The following TASP1 variants were observed in gnomAD, a reference collection of about 807,000 sequenced individuals.
The protein encoded by TASP1 is threonine aspartase 1.
TASP1 carries 16 observed loss-of-function variants against 56.6 expected under a neutral mutation model. The ratio of observed to expected loss-of-function variants is 0.28; its 90% confidence interval spans 0.19 to 0.43. The LOEUF (loss-of-function observed/expected upper bound fraction) is 0.43. Among genes scored for constraint, TASP1 ranks in the 20% least tolerant of loss-of-function variants. The pLI is 1.00. For synonymous variants in TASP1, 179 were observed against 184.2 expected, an observed-to-expected ratio of 0.97 and a Z score of 0.23; for missense variants, 393 against 511.6, an observed-to-expected ratio of 0.77 and a Z score of 2.24.
intron 13 of TASP1, chr20:13,392,785 C>T: frequency 1.6e-6 from 1 of 613,722 alleles, no homozygotes; most frequent in Non-Finnish European, 3.1e-6. Context: ...TGACCCCTTC[C>T]TTGACCTCAA....
At chr20:13,260,408 C>T in the TASP1 span, among the ~76,000 whole-genome samples, 2 of 152,160 alleles carry the variant, frequency 1.3e-5, no homozygotes, top group Admixed American at 6.5e-5. Context: ...TGAAGAAAGT[C>T]GTTGGCAGGG....
chr20:13,135,698 C>A, the TASP1 span, among the ~76,000 whole-genome samples: 1 of 152,144 alleles, frequency 6.6e-6, no homozygotes, highest in South Asian at 2.1e-4. Flanking sequence ...CAACACTTAA[C>A]CAGAGACAGG....
At chr20:13,159,962 A>C in the TASP1 span, 3 of 1,487,680 alleles carry the variant, frequency 2.0e-6, no homozygotes. Flanking sequence ...TCTTTTCCCA[A>C]CTAACCACTT....
At chr20:13,511,354 G>T (rs967096938) in intron 10 of TASP1, among the ~76,000 whole-genome samples, 1 of 152,048 alleles carries the variant, frequency 6.6e-6, no homozygotes, top group Non-Finnish European at 1.5e-5. Context: ...CATCAATGGA[G>T]CCCGTGAACA....
At chr20:13,487,942 C>T (rs577881991) in intron 10 of TASP1, among the ~76,000 whole-genome samples, 256 of 152,126 alleles carry the variant, frequency 1.7e-3, no homozygotes, top group African/African-American at 6.0e-3. Flanking sequence ...CAAAAACAGG[C>T]CATGAACCAG....
At chr20:13,376,422 C>G in the TASP1 span, among the ~76,000 whole-genome samples, 1 of 151,966 alleles carries the variant, frequency 6.6e-6, no homozygotes, top group African/African-American at 2.4e-5. Flanking sequence ...CTGTTCTGTT[C>G]CATTGGTCTA....
At chr20:13,616,992 C>T (rs1283647087) in intron 4 of TASP1, 2 of 450,532 alleles carry the variant, frequency 4.4e-6, no homozygotes, top group Non-Finnish European at 8.9e-6. Flanking sequence ...CTGCGTACAG[C>T]TCTTCAGGAT....
At chr20:13,105,498 T>C in the TASP1 span, among the ~76,000 whole-genome samples, 3 of 152,190 alleles carry the variant, frequency 2.0e-5, no homozygotes, top group Non-Finnish European at 4.4e-5. Flanking sequence ...CGTGTTATTT[T>C]TAAAAATGGA....
At chr20:13,470,485 C>G (rs1568843784) in intron 11 of TASP1, among the ~76,000 whole-genome samples, 1 of 152,100 alleles carries the variant, frequency 6.6e-6, no homozygotes, top group East Asian at 1.9e-4. Flanking sequence ...TAAATGCATT[C>G]TATACATTTT....
chr20:13,575,116 T>C (rs1371659856), intron 6 of TASP1, among the ~76,000 whole-genome samples: 3 of 152,178 alleles, frequency 2.0e-5, no homozygotes, highest in African/African-American at 7.2e-5. Flanking sequence ...GGATAATATA[T>C]TATGACCAAG....
chr20:13,352,466 T>C, the TASP1 span, among the ~76,000 whole-genome samples: 1 of 144,180 alleles, frequency 6.9e-6, no homozygotes, highest in Admixed American at 6.9e-5. Context: ...AAAAAAAAAA[T>C]GCATTAACTT....
chr20:13,357,276 AG>A, the TASP1 span, among the ~76,000 whole-genome samples: 2 of 152,196 alleles, frequency 1.3e-5, no homozygotes, highest in Non-Finnish European at 2.9e-5. Flanking sequence ...GTCTCTGAAA[AG>A]GAAGAAGGAA....
chr20:13,604,226 A>G (rs1286502385), intron 4 of TASP1, among the ~76,000 whole-genome samples: 2 of 152,084 alleles, frequency 1.3e-5, no homozygotes, highest in African/African-American at 4.8e-5. Flanking sequence ...GTGACCTCCA[A>G]CGTTGGAGGT....
At chr20:13,262,124 C>T in the TASP1 span, among the ~76,000 whole-genome samples, 15 of 152,268 alleles carry the variant, frequency 9.9e-5, no homozygotes, top group African/African-American at 3.4e-4. Flanking sequence ...TTTTCTTTGC[C>T]GGTAATGGAG....
At chr20:13,278,239 C>A in the TASP1 span, among the ~76,000 whole-genome samples, 9,749 of 152,160 alleles carry the variant, frequency 0.064, 429 homozygotes, top group African/African-American at 0.12. Flanking sequence ...CTTCATTCTT[C>A]CAGCCCCGTG....
intron 10 of TASP1, among the ~76,000 whole-genome samples, chr20:13,498,623 C>T (rs1220936216): frequency 2.6e-5 from 4 of 151,622 alleles, no homozygotes; most frequent in African/African-American, 4.8e-5. Context: ...GGATTATAGG[C>T]GTGGGCCACC....
chr20:13,608,921 A>G (rs1047863406), intron 4 of TASP1, among the ~76,000 whole-genome samples: 1 of 152,272 alleles, frequency 6.6e-6, no homozygotes, highest in Non-Finnish European at 1.5e-5. Flanking sequence ...GTGAAAAAAT[A>G]AAACAGGTAA....
At chr20:13,399,162 A>T (rs1360791890) in intron 13 of TASP1, among the ~76,000 whole-genome samples, 1 of 152,110 alleles carries the variant, frequency 6.6e-6, no homozygotes, top group African/African-American at 2.4e-5. Flanking sequence ...GACCTCTATG[A>T]TTATAACTTT....
intron 13 of TASP1, among the ~76,000 whole-genome samples, chr20:13,398,054 T>A (rs1016002744): frequency 5.9e-5 from 9 of 152,194 alleles, no homozygotes; most frequent in Admixed American, 1.3e-4. Context: ...TGAATCTTAC[T>A]ATAGTTTGAA....
Sources: gnomAD v4.1 joint callset for allele counts (sites outside exome capture counted in the v4.1 genomes callset) on GRCh38, gnomAD v4.1.1 for gene constraint, MANE v1.5 for transcripts, NCBI Gene and HGNC (gene_info 2026-07-23, HGNC 2026-07-21) for gene names.